Variants in LUZP2 observed in about 807,000 individuals in gnomAD.
LUZP2 encodes the protein leucine zipper protein 2.
LUZP2 carries 52 observed loss-of-function variants against 51.6 expected under a neutral mutation model. The ratio of observed to expected loss-of-function variants is 1.01; its 90% CI spans 0.81 to 1.27. The LOEUF is 1.27. Among genes scored for constraint, LUZP2 ranks in the 50% most tolerant of loss-of-function variants. The pLI, the probability that LUZP2 is intolerant of heterozygous loss-of-function variation, is 0.00. For synonymous variants in LUZP2, 154 were observed against 137.3 expected, an observed-to-expected ratio of 1.12 and a Z score of -0.85; for missense variants, 436 against 395.4, an observed-to-expected ratio of 1.10 and a Z score of -0.87.
At chr11:24,747,199 C>T (rs1175743603) in intron 4 of LUZP2, among the ~76,000 whole-genome samples, 8 of 152,172 alleles carry the variant, frequency 5.3e-5, no homozygotes, top group Non-Finnish European at 1.0e-4. Context: ...AGGTCCAGGG[C>T]TGAAAGCTGT....
Position 24,886,179 on chromosome 11 carries a change from A to C in LUZP2, c.397-19812A>C, listed in dbSNP as rs570754430. On this transcript the variant is annotated intron_variant, in intron 5 of 11. Coordinates refer to ENST00000336930, the MANE Select transcript of LUZP2 (RefSeq NM_001009909.4). ...AAAACATAATTTATTTAAACAAAGG[A>C]ATGATTTGAAAAATACTTTTTAGTA... Among the ~76,000 whole-genome samples the C allele has an allele frequency of 9.8e-5, 15 of 152,304 alleles. 1 individual carries two copies. The highest frequency in any genetic ancestry group is 3.6e-4 in the African/African-American group (15 of 41,580).
chr11:25,021,943 T>C (rs1465439278), intron 9 of LUZP2, among the ~76,000 whole-genome samples: 1 of 152,014 alleles, frequency 6.6e-6, no homozygotes, highest in Non-Finnish European at 1.5e-5. Context: ...GACACTCATG[T>C]CTTCCACTCC....
intron 4 of LUZP2, among the ~76,000 whole-genome samples, chr11:24,753,177 A>G (rs1190324592): frequency 6.6e-6 from 1 of 152,200 alleles, no homozygotes; most frequent in East Asian, 1.9e-4. Context: ...AAGCAGATAC[A>G]TAGAATATCT....
At chr11:24,578,408 A>G (rs547531923) in intron 1 of LUZP2, among the ~76,000 whole-genome samples, 1 of 152,234 alleles carries the variant, frequency 6.6e-6, no homozygotes, top group Non-Finnish European at 1.5e-5. Context: ...TATTCAGGTA[A>G]CCAGAAATCT....
chr11:24,649,415 G>A (rs929212593), intron 1 of LUZP2, among the ~76,000 whole-genome samples: 2 of 151,934 alleles, frequency 1.3e-5, no homozygotes, highest in African/African-American at 4.8e-5. Context: ...TAGGGAGTGA[G>A]GGAGGCTTTT....
rs571183533 is a variant in LUZP2, at chr11:24,742,057, T to TTTTATATATATATATATATATATATA, written c.333+3756_333+3757insTTATATATATATATATATATATATAT. On this transcript the variant is annotated intron_variant, in intron 4 of 11. Coordinates refer to ENST00000336930, the MANE Select transcript of LUZP2 (RefSeq NM_001009909.4). ...TATAAATACATAAAAATAAATATAA[T>TTTTATATATATATATATATATATATA]TATATATATATATATATATCACCAT... 4.6e-4 allele frequency among the ~76,000 whole-genome samples: 54 copies of TTTTATATATATATATATATATATATA among 116,298 alleles called. 4 individuals are homozygous for TTTTATATATATATATATATATATATA. Among genetic ancestry groups the TTTTATATATATATATATATATATATA allele is most frequent in the African/African-American group, 2.2e-3 (53 of 23,840 alleles). The allele number at this position is 116,298 out of a possible 152,430, so 76.3% of individuals were successfully genotyped here.
intron 9 of LUZP2, among the ~76,000 whole-genome samples, chr11:25,035,388 A>G (rs1033972983): frequency 1.3e-5 from 2 of 152,150 alleles, no homozygotes; most frequent in African/African-American, 4.8e-5. Flanking sequence ...CTACACATCA[A>G]CAATGTCCAG....
chr11:24,841,644 C>T (rs1275762699), intron 5 of LUZP2, among the ~76,000 whole-genome samples: 8 of 151,444 alleles, frequency 5.3e-5, no homozygotes, highest in African/African-American at 1.7e-4. Context: ...AAAATCAATT[C>T]CAAAGGGCAA....
intron 9 of LUZP2, among the ~76,000 whole-genome samples, chr11:24,992,508 A>G (rs1393429903): frequency 1.3e-5 from 2 of 152,120 alleles, no homozygotes; most frequent in African/African-American, 4.8e-5. Flanking sequence ...CCATGAAAAT[A>G]GGCAACTAAG....
chr11:24,936,455 C>T (rs1442459520), intron 7 of LUZP2, among the ~76,000 whole-genome samples: 1 of 152,190 alleles, frequency 6.6e-6, no homozygotes, highest in Non-Finnish European at 1.5e-5. Context: ...ATTTCAGTCT[C>T]TTACTCAATA....
intron 7 of LUZP2, among the ~76,000 whole-genome samples, chr11:24,935,344 G>T (rs1450137546): frequency 1.3e-5 from 2 of 152,212 alleles, no homozygotes; most frequent in East Asian, 3.9e-4. Flanking sequence ...TTGTGAAGTT[G>T]CCTGGGCTAC....
intron 8 of LUZP2, among the ~76,000 whole-genome samples, chr11:24,979,340 C>T (rs1364060368): frequency 2.0e-5 from 3 of 151,718 alleles, no homozygotes; most frequent in African/African-American, 7.3e-5. Context: ...ATATGAGGTT[C>T]ATAAACTATA....
chr11:25,026,815 A>G (rs1008736005), intron 9 of LUZP2, among the ~76,000 whole-genome samples: 9 of 151,894 alleles, frequency 5.9e-5, no homozygotes, highest in Non-Finnish European at 1.3e-4. Context: ...AGAAAAAGTA[A>G]TTCAGAGGAT....
intron 5 of LUZP2, among the ~76,000 whole-genome samples, chr11:24,873,494 A>G (rs1475436577): frequency 2.0e-5 from 3 of 152,140 alleles, no homozygotes; most frequent in Non-Finnish European, 4.4e-5. Context: ...GCTAAGTATG[A>G]CTTTCCTCCC....
At chr11:24,795,459 A>G (rs1393259465) in intron 5 of LUZP2, among the ~76,000 whole-genome samples, 1 of 152,100 alleles carries the variant, frequency 6.6e-6, no homozygotes, top group Non-Finnish European at 1.5e-5. Flanking sequence ...CTGTGAAGGG[A>G]ATGCATTTTA....
chr11:24,629,702 T>G (rs1854812495), intron 1 of LUZP2, among the ~76,000 whole-genome samples: 1 of 151,722 alleles, frequency 6.6e-6, no homozygotes, highest in African/African-American at 2.4e-5. Flanking sequence ...TTCCGCTGGA[T>G]AGATACCCAG....
chr11:25,023,044 G>T (rs758949194), intron 9 of LUZP2, among the ~76,000 whole-genome samples: 1 of 152,190 alleles, frequency 6.6e-6, no homozygotes, highest in Admixed American at 6.5e-5. Context: ...TGCTGGATTC[G>T]GTTTGCCAGC....
intron 1 of LUZP2, among the ~76,000 whole-genome samples, chr11:24,526,885 T>C (rs1850824232): frequency 6.6e-6 from 1 of 151,342 alleles, no homozygotes; most frequent in Non-Finnish European, 1.5e-5. Flanking sequence ...CAGAAAATAC[T>C]TAAAGAGTTC....
chr11:24,634,081 A>G (rs1178475121), intron 1 of LUZP2, among the ~76,000 whole-genome samples: 1 of 151,900 alleles, frequency 6.6e-6, no homozygotes, highest in Non-Finnish European at 1.5e-5. Context: ...ATAGCAATCA[A>G]ACTTACTAGA....
Sources: allele counts gnomAD v4.1 joint callset (sites outside exome capture counted in the v4.1 genomes callset), GRCh38; gene constraint gnomAD v4.1.1; transcripts MANE v1.5; gene names NCBI Gene and HGNC (gene_info 2026-07-23, HGNC 2026-07-21).